The following ACSL3 variants were observed in gnomAD, a reference collection of about 807,000 sequenced individuals.
ACSL3 encodes the protein acyl-CoA synthetase long chain family member 3.
Under a neutral mutation model 84.7 loss-of-function variants are expected in ACSL3, and 34 were observed. The observed-to-expected ratio is 0.40, with a 90% CI of 0.31 to 0.53. The LOEUF is 0.53. ACSL3 is among the 20% of genes least tolerant of loss of function. The probability of loss-of-function intolerance (pLI) is 0.48; values close to 1 mark genes in which losing one functional copy is unlikely to be tolerated. For synonymous variants in ACSL3, 315 were observed against 299.4 expected (o/e 1.05, Z -0.54); for missense variants, 680 against 873.1 (o/e 0.78, Z 2.79).
Position 222,921,445 on chromosome 2 carries a change from AG to A in ACSL3, c.956+16del. The stretch of plus-strand genomic sequence containing the variant: ...CCAGAACTAGGGTATGTCATAGTAA[AG>A]TAACATTGAGTAGTTAAGTATTTAT... On this transcript the variant is annotated intron_variant, in intron 8 of 16. Transcript: ENST00000357430. 6.4e-7 allele frequency: 1 copy of A among 1,562,840 alleles called. No individual in the cohort carries two copies. Among genetic ancestry groups the A allele is most frequent in the Middle Eastern group, 1.7e-4 (1 of 5,920 alleles).
At chr2:222,882,558 A>G (rs1052139061) in intron 1 of ACSL3, among the ~76,000 whole-genome samples, 4 of 152,120 alleles carry the variant, frequency 2.6e-5, no homozygotes, top group Admixed American at 6.5e-5. Context: ...CGGACAATCT[A>G]GAACCCTTGC....
intron 1 of ACSL3, among the ~76,000 whole-genome samples, chr2:222,863,654 C>T (rs1177618356): frequency 6.6e-6 from 1 of 152,104 alleles, no homozygotes; most frequent in Non-Finnish European, 1.5e-5. Context: ...TTTAAAACAA[C>T]GAGCATCATA....
At chr2:222,924,337 G>C in intron 10 of ACSL3, 119 bp from the exon 11 acceptor site, 1 of 898,094 alleles carries the variant, frequency 1.1e-6, no homozygotes, top group East Asian at 3.2e-5. Flanking sequence ...CACATCCACA[G>C]TTGAAGAGTA....
chr2:222,907,539 T>C (rs1182836199), intron 3 of ACSL3, among the ~76,000 whole-genome samples: 2 of 152,044 alleles, frequency 1.3e-5, no homozygotes, highest in Admixed American at 1.3e-4. Flanking sequence ...GGTGGGAGAA[T>C]TGCTTGAAGC....
In ACSL3 at chr2:222,941,774, T is replaced by C. The variant is rs1697317751; in HGVS notation, c.*120T>C. On this transcript the variant is annotated 3_prime_UTR_variant, in exon 17 of 17. Coordinates refer to ENST00000357430, the MANE Select transcript of ACSL3 (RefSeq NM_004457.5). ...CCTCATATTAAACTATTACTTCTCA[T>C]GACGTCACCATTTTTAACTGACAGG... is the stretch of plus-strand genomic sequence containing the variant. 2.8e-6 allele frequency: 3 copies of C among 1,087,516 alleles called. No homozygotes were observed. In the East Asian group the frequency reaches 8.0e-5, roughly 29 times the overall value. The allele number at this position is 1,087,516 out of a possible 1,614,324, so 67.4% of individuals were successfully genotyped here.
chr2:222,882,876 C>T lies in ACSL3; in HGVS notation c.-206-4954C>T, dbSNP rs140577096. Among the ~76,000 whole-genome samples the T allele has an allele frequency of 5.2e-3, 777 of 149,580 alleles. 5 individuals are homozygous for T. Among genetic ancestry groups the T allele is most frequent in the Non-Finnish European group, 7.9e-3 (534 of 67,650 alleles). On this transcript the variant is annotated intron_variant, in intron 1 of 16. Coordinates refer to ENST00000357430, the MANE Select transcript of ACSL3 (RefSeq NM_004457.5). ...TCTGCCTCCTGGCTTCAAGTGATTC[C>T]GCTGCCTCAGCCTCCTGAGTAGCTG... is the stretch of plus-strand genomic sequence containing the variant.
At chr2:222,887,445 A>G (rs1406444302) in intron 1 of ACSL3, among the ~76,000 whole-genome samples, 1 of 152,198 alleles carries the variant, frequency 6.6e-6, no homozygotes, top group Non-Finnish European at 1.5e-5. Context: ...AATACCAAGC[A>G]CTGTGGTTGC....
At chr2:222,886,965 C>G (rs778205822) in intron 1 of ACSL3, among the ~76,000 whole-genome samples, 17 of 152,182 alleles carry the variant, frequency 1.1e-4, no homozygotes, top group Non-Finnish European at 2.5e-4. Context: ...AGGGTTCACT[C>G]TTAGTACTGT....
intron 1 of ACSL3, among the ~76,000 whole-genome samples, chr2:222,868,389 A>G (rs896953770): frequency 6.6e-6 from 1 of 152,222 alleles, no homozygotes; most frequent in African/African-American, 2.4e-5. Flanking sequence ...GATTCAAATG[A>G]GGTGTCTGGC....
chr2:222,922,756 A>G lies in ACSL3; in HGVS notation c.1005A>G (p.Glu335=). Residue 335 remains glutamate (E), a synonymous_variant, in exon 9 of 17, where the codon GAA becomes GAG. Transcript: ENST00000357430. The stretch of plus-strand genomic sequence containing the variant: ...ATTTGCCTCTGGCCCATGTTCTAGA[A>G]TTAAGTGCTGAGCTTGTCTGTCTTT... The part of the protein sequence containing the change: ...IGYLPLAHVL[E]LSAELVCLSH... 6.2e-7 allele frequency: 1 copy of G among 1,614,144 alleles called. No individual in the cohort carries two copies. Among genetic ancestry groups the G allele is most frequent in the Non-Finnish European group, 8.5e-7 (1 of 1,179,992 alleles).
intron 3 of ACSL3, among the ~76,000 whole-genome samples, chr2:222,903,473 A>C (rs1044022471): frequency 6.6e-6 from 1 of 152,222 alleles, no homozygotes; most frequent in Non-Finnish European, 1.5e-5. Flanking sequence ...TTCAAGTTGG[A>C]AAGTGCATTG....
intron 3 of ACSL3, among the ~76,000 whole-genome samples, chr2:222,906,834 C>T (rs917003471): frequency 3.9e-5 from 6 of 152,110 alleles, no homozygotes; most frequent in African/African-American, 1.2e-4. Context: ...AGGATGGTCT[C>T]GATCTCCTGA....
chr2:222,891,605 T>C (rs1447840291), intron 2 of ACSL3, among the ~76,000 whole-genome samples: 2 of 152,134 alleles, frequency 1.3e-5, no homozygotes, highest in African/African-American at 4.8e-5. Context: ...GTATTTATAG[T>C]TTAGGGAGAG....
chr2:222,910,947 C>T (rs1205563425), intron 4 of ACSL3, among the ~76,000 whole-genome samples: 1 of 151,992 alleles, frequency 6.6e-6, no homozygotes, highest in Non-Finnish European at 1.5e-5. Context: ...ATGAGTTAAG[C>T]ATGTTTGATT....
At chr2:222,914,924 A>G (rs1559294586) in intron 4 of ACSL3, among the ~76,000 whole-genome samples, 2 of 152,248 alleles carry the variant, frequency 1.3e-5, no homozygotes. Context: ...TATTTTTTAC[A>G]TATGTGGAAA....
At chr2:222,924,675 G>C (rs1190845706) in intron 11 of ACSL3, 80 bp downstream of exon 11, 1 of 1,318,286 alleles carries the variant, frequency 7.6e-7, no homozygotes, top group Non-Finnish European at 1.0e-6. Context: ...CCAATTAATT[G>C]AGATAGTTAT....
At chr2:222,904,754 A>G (rs1275334866) in intron 3 of ACSL3, 1 of 154,084 alleles carries the variant, frequency 6.5e-6, no homozygotes, top group Non-Finnish European at 1.5e-5. Context: ...CCTGACTCAC[A>G]TAAATAAACA....
chr2:222,921,646 T>C (rs1696743039), intron 8 of ACSL3, among the ~76,000 whole-genome samples: 1 of 152,202 alleles, frequency 6.6e-6, no homozygotes, highest in African/African-American at 2.4e-5. Context: ...TTTTAAAAAG[T>C]ACAGAACTTA....
chr2:222,925,556 C>T (rs930351985), intron 11 of ACSL3, among the ~76,000 whole-genome samples: 2 of 151,892 alleles, frequency 1.3e-5, no homozygotes, highest in Admixed American at 1.3e-4. Context: ...GCAATGACTG[C>T]ACCACTGCAC....
Sources: gnomAD v4.1 joint callset for allele counts (sites outside exome capture counted in the v4.1 genomes callset) on GRCh38, gnomAD v4.1.1 for gene constraint, MANE v1.5 for transcripts, NCBI Gene and HGNC (gene_info 2026-07-23, HGNC 2026-07-21) for gene names.